The following APBB2 variants were observed in gnomAD, a reference collection of about 807,000 sequenced individuals.
APBB2 encodes the protein Fe65-like 1.
APBB2 carries 38 observed loss-of-function variants against 82.5 expected under a neutral mutation model. The ratio of observed to expected loss-of-function variants is 0.46; its 90% CI spans 0.36 to 0.60. The LOEUF is 0.60. Ranked by LOEUF, APBB2 falls within the 20% of genes least tolerant of loss-of-function variation. The pLI is 0.00. For synonymous variants in APBB2, 341 were observed against 368.2 expected (o/e 0.93, Z 0.85); for missense variants, 772 against 972.3 (o/e 0.79, Z 2.74).
At chr4:41,207,175 G>A (rs1450809228) in intron 1 of APBB2, among the ~76,000 whole-genome samples, 1 of 139,402 alleles carries the variant, frequency 7.2e-6, no homozygotes, top group Non-Finnish European at 1.5e-5. Context: ...TTCCAGCCTG[G>A]GCGACCAAGT....
intron 6 of APBB2, among the ~76,000 whole-genome samples, chr4:40,990,704 T>A (rs1033620002): frequency 1.3e-5 from 2 of 152,184 alleles, no homozygotes; most frequent in Non-Finnish European, 2.9e-5. Context: ...AGTCCAAGTG[T>A]GTCCATATGA....
At chr4:41,169,550 T>C (rs149709065) in intron 1 of APBB2, among the ~76,000 whole-genome samples, 43 of 152,324 alleles carry the variant, frequency 2.8e-4, no homozygotes, top group African/African-American at 8.4e-4. Flanking sequence ...CAGTGGGTAG[T>C]GATTTCATTT....
In APBB2 at chr4:41,143,025, C is replaced by T. The variant is rs1759686136; in HGVS notation, c.-299G>A. 6.6e-6 allele frequency: 1 copy of T among 152,228 alleles called. No homozygotes were observed. The highest frequency in any genetic ancestry group is 1.5e-5 in the Non-Finnish European group (1 of 68,050). The allele number at this position is 152,228 out of a possible 1,614,324, so 9.4% of individuals were successfully genotyped here. A position where few individuals can be genotyped will look rare whatever the true frequency, so the allele number is the denominator to read the frequency against. On this transcript the variant is annotated 5_prime_UTR_variant, in exon 2 of 18. The change creates a new upstream start codon in the 5' untranslated region. Coordinates refer to ENST00000508593, the MANE Select transcript of APBB2 (RefSeq NM_004307.2). ...AATTATTGTCAGCCTCAGCTTTTCA[C>T]AGGAGCTTTCTTTTATGGATTTTCC...
intron 1 of APBB2, among the ~76,000 whole-genome samples, chr4:41,190,190 T>A (rs1774015383): frequency 1.3e-5 from 2 of 151,862 alleles, no homozygotes; most frequent in Non-Finnish European, 2.9e-5. Flanking sequence ...TTCATTGTAG[T>A]ATATTTGCTT....
At chr4:41,123,754 C>T (rs769518960) in intron 2 of APBB2, among the ~76,000 whole-genome samples, 12 of 151,690 alleles carry the variant, frequency 7.9e-5, no homozygotes, top group African/African-American at 2.4e-4. Context: ...AGTTGGAAGG[C>T]GGAGGTTGCA....
At chr4:40,831,125 C>T (rs1386539924) in intron 12 of APBB2, among the ~76,000 whole-genome samples, 1 of 152,016 alleles carries the variant, frequency 6.6e-6, no homozygotes, top group East Asian at 1.9e-4. Context: ...AAAGGATGGG[C>T]GTGGTGGCTC....
intron 2 of APBB2, among the ~76,000 whole-genome samples, chr4:41,109,684 A>G (rs914848588): frequency 5.9e-5 from 9 of 152,134 alleles, no homozygotes; most frequent in African/African-American, 2.2e-4. Flanking sequence ...GTTAGCCAGG[A>G]TGGTCTTGAT....
chr4:41,188,440 T>C (rs1024037471), intron 1 of APBB2, among the ~76,000 whole-genome samples: 3 of 152,036 alleles, frequency 2.0e-5, no homozygotes, highest in Admixed American at 6.5e-5. Context: ...AAGAGGTGAT[T>C]AGATCACGAG....
At chr4:41,194,663 C>CA in intron 1 of APBB2, among the ~76,000 whole-genome samples, 4,621 of 149,574 alleles carry the variant, frequency 0.031, 112 homozygotes, top group Non-Finnish European at 0.048. Context: ...GACCTTGCCT[C>CA]AAAAAATAAA....
chr4:40,901,013 G>C (rs906125040), intron 10 of APBB2, among the ~76,000 whole-genome samples: 9 of 152,170 alleles, frequency 5.9e-5, no homozygotes, highest in Non-Finnish European at 2.9e-5. Context: ...TGTGGACATG[G>C]ATCAAGAAGA....
chr4:41,160,038 A>AAGAAGAAGAGGAAGAAGAAG (rs1247891414), intron 1 of APBB2, among the ~76,000 whole-genome samples: 1 of 123,136 alleles, frequency 8.1e-6, no homozygotes, highest in African/African-American at 3.5e-5. Context: ...AGAAGAAGAA[A>AAGAAGAAGAGGAAGAAGAAG]ACATCACAGG....
chr4:40,937,105 A>G (rs994464267), intron 7 of APBB2, among the ~76,000 whole-genome samples: 15 of 152,342 alleles, frequency 9.8e-5, no homozygotes, highest in South Asian at 6.2e-4. Context: ...TCAAATTGTC[A>G]TCACTGTTTA....
intron 6 of APBB2, among the ~76,000 whole-genome samples, chr4:41,006,041 C>T (rs1370550931): frequency 1.3e-5 from 2 of 152,206 alleles, no homozygotes; most frequent in Non-Finnish European, 2.9e-5. Context: ...TCATTGTAAT[C>T]ACCTTTCCGT....
Position 40,948,837 on chromosome 4 carries a change from C to T in APBB2, c.836-3764G>A, listed in dbSNP as rs185955430. Among the ~76,000 whole-genome samples, 265 of 128,926 alleles carry T rather than the reference C, an allele frequency of 2.1e-3. 1 individual carries two copies. Among genetic ancestry groups the T allele is most frequent in the African/African-American group, 7.6e-3 (253 of 33,122 alleles). 84.6% of individuals were successfully genotyped at this position (128,926 alleles called of 152,430 possible). A position where few individuals can be genotyped will look rare whatever the true frequency, so the allele number is the denominator to read the frequency against. ...CCAAGAAGTGGAGGCTGCATGGAGC[C>T]ATAATCATGCCACTGCATTTCAGCC... On this transcript the variant is annotated intron_variant, in intron 6 of 17. Transcript: ENST00000508593.
chr4:41,132,077 A>G (rs1410714007), intron 2 of APBB2, among the ~76,000 whole-genome samples: 5 of 145,956 alleles, frequency 3.4e-5, no homozygotes. Context: ...AAAAGTAAAA[A>G]TAAAACTTCA....
At chr4:41,033,584 T>TAACACACA (rs1553917481) in intron 4 of APBB2, among the ~76,000 whole-genome samples, 2 of 130,772 alleles carry the variant, frequency 1.5e-5, no homozygotes, top group Admixed American at 1.6e-4. Flanking sequence ...CTTTTTCTCA[T>TAACACACA]CACACACACA....
chr4:40,903,223 G>GGTTGA (rs1775800428), intron 10 of APBB2, among the ~76,000 whole-genome samples: 2 of 137,306 alleles, frequency 1.5e-5, no homozygotes, highest in African/African-American at 6.0e-5. Context: ...CACTTTGGGA[G>GGTTGA]GCCAAGGCCG....
intron 1 of APBB2, among the ~76,000 whole-genome samples, chr4:41,197,546 C>G: frequency 0.2 from 29,691 of 152,096 alleles, 3,891 homozygotes; most frequent in African/African-American, 0.37. Flanking sequence ...ACAACAGTAA[C>G]TGGCAGAATT....
intron 6 of APBB2, among the ~76,000 whole-genome samples, chr4:40,962,185 G>C (rs1043766484): frequency 7.2e-5 from 11 of 152,180 alleles, no homozygotes; most frequent in Non-Finnish European, 1.2e-4. Flanking sequence ...ACAGAAAGGA[G>C]GCAGGGGTAT....
Sources: allele counts gnomAD v4.1 joint callset (sites outside exome capture counted in the v4.1 genomes callset), GRCh38; gene constraint gnomAD v4.1.1; transcripts MANE v1.5; gene names NCBI Gene and HGNC (gene_info 2026-07-23, HGNC 2026-07-21).